Variants in PHF20 observed in about 807,000 individuals in gnomAD.
The protein encoded by PHF20 is glioma-expressed antigen 2.
A neutral mutation model predicts 113.5 loss-of-function variants in PHF20; 23 were observed. That is an observed-to-expected ratio of 0.20 (90% CI 0.15 to 0.29). PHF20 has a LOEUF of 0.29. Ranked by LOEUF, PHF20 falls within the 10% of genes least tolerant of loss-of-function variation. The probability of loss-of-function intolerance (pLI) is 1.00; values close to 1 mark genes in which losing one functional copy is unlikely to be tolerated. For synonymous variants in PHF20, 434 were observed against 457.3 expected (o/e 0.95, Z 0.65); for missense variants, 943 against 1,219.6 (o/e 0.77, Z 3.38).
At chr20:35,858,251 C>G in intron 4 of PHF20, 51 bp from the exon 5 acceptor site, 1 of 956,540 alleles carries the variant, frequency 1.0e-6, no homozygotes, top group South Asian at 1.4e-5. Context: ...GAAAAGTTAC[C>G]ACTTTTCATG....
chr20:35,926,121 C>CAAAA (rs527440244), intron 13 of PHF20, among the ~76,000 whole-genome samples: 2 of 72,330 alleles, frequency 2.8e-5, no homozygotes, highest in African/African-American at 4.6e-5. Flanking sequence ...GACTCCATCT[C>CAAAA]AAAAAAAAAA....
chr20:35,862,912 G>A, intron 5 of PHF20, 101 bp from the exon 6 acceptor site: 1 of 1,217,976 alleles, frequency 8.2e-7, no homozygotes, highest in Non-Finnish European at 1.2e-6. Flanking sequence ...CGTATGTCTT[G>A]TTTTAATTTC....
At chr20:35,919,249 T>A (rs991001575) in intron 13 of PHF20, among the ~76,000 whole-genome samples, 1 of 152,054 alleles carries the variant, frequency 6.6e-6, no homozygotes, top group African/African-American at 2.4e-5. Flanking sequence ...ACTCCCGACC[T>A]CAGGTGATCC....
intron 9 of PHF20, among the ~76,000 whole-genome samples, chr20:35,898,692 C>G (rs946715136): frequency 6.6e-5 from 10 of 152,104 alleles, no homozygotes; most frequent in Admixed American, 2.6e-4. Flanking sequence ...CTTACTGCAA[C>G]CTCCGCCTCC....
intron 13 of PHF20, among the ~76,000 whole-genome samples, chr20:35,926,643 A>G (rs1292608810): frequency 1.3e-5 from 2 of 152,166 alleles, no homozygotes; most frequent in Admixed American, 1.3e-4. Context: ...TGTAAATTGA[A>G]GAATCTAAAA....
intron 6 of PHF20, 31 bp from the exon 7 acceptor site, chr20:35,869,407 C>CT (rs753234140): frequency 8.8e-6 from 10 of 1,140,336 alleles, no homozygotes; most frequent in East Asian, 2.4e-5. Flanking sequence ...AATTATGTAT[C>CT]TTTTTTTGTG....
chr20:35,856,818 G>A (rs1011173062), intron 4 of PHF20, among the ~76,000 whole-genome samples: 3 of 152,212 alleles, frequency 2.0e-5, no homozygotes, highest in African/African-American at 4.8e-5. Context: ...TAGAAGTGTC[G>A]CTGGCAGTTT....
chr20:35,863,349 T>C lies in PHF20; in HGVS notation c.757T>C (p.Leu253=), dbSNP rs780327307. Residue 253 remains leucine (L), a synonymous_variant, in exon 6 of 18, where the codon TTG becomes CTG. Coordinates refer to ENST00000374012, the MANE Select transcript of PHF20 (RefSeq NM_016436.5). The part of the protein sequence containing the change: ...NDIVKSPQEN[L]REPKRKRGRP... ...CATTGTGAAGAGTCCACAAGAAAACTTGAGGGAACCCAAAAGAAAACGAGG... is the reference window on the plus strand; with the variant it reads ...CATTGTGAAGAGTCCACAAGAAAACCTGAGGGAACCCAAAAGAAAACGAGG... The C allele has an allele frequency of 1.8e-5, 29 of 1,609,464 alleles. No individual in the cohort carries two copies. Among genetic ancestry groups the C allele is most frequent in the Non-Finnish European group, 2.4e-5 (28 of 1,179,002 alleles).
intron 2 of PHF20, among the ~76,000 whole-genome samples, chr20:35,806,435 A>C (rs1309559617): frequency 6.6e-6 from 1 of 152,122 alleles, no homozygotes; most frequent in Admixed American, 6.6e-5. Flanking sequence ...TGCTGGGATT[A>C]CAAGCGTGAG....
intron 10 of PHF20, among the ~76,000 whole-genome samples, chr20:35,907,273 C>T (rs889657375): frequency 6.6e-6 from 1 of 152,164 alleles, no homozygotes; most frequent in African/African-American, 2.4e-5. Context: ...AGCAAGAGGG[C>T]CTCTGGTATT....
At chr20:35,923,427 C>T (rs908960556) in intron 13 of PHF20, among the ~76,000 whole-genome samples, 2 of 151,904 alleles carry the variant, frequency 1.3e-5, no homozygotes, top group African/African-American at 4.8e-5. Context: ...ATAGAGAGAC[C>T]CCGTTTCTAC....
At chr20:35,852,029 G>A (rs547329664) in intron 4 of PHF20, among the ~76,000 whole-genome samples, 4 of 151,992 alleles carry the variant, frequency 2.6e-5, no homozygotes, top group Non-Finnish European at 5.9e-5. Context: ...ATATCTTATC[G>A]TATTTAGTCT....
intron 2 of PHF20, among the ~76,000 whole-genome samples, chr20:35,833,682 G>A (rs2042390807): frequency 6.6e-6 from 1 of 152,080 alleles, no homozygotes; most frequent in African/African-American, 2.4e-5. Context: ...AGTCTTCTCT[G>A]AACCCTTTCC....
intron 2 of PHF20, among the ~76,000 whole-genome samples, chr20:35,816,562 G>GAA (rs2042077996): frequency 6.6e-6 from 1 of 150,830 alleles, no homozygotes; most frequent in Non-Finnish European, 1.5e-5. Context: ...CGATTCTCCA[G>GAA]CCTCAGCCTC....
intron 3 of PHF20, among the ~76,000 whole-genome samples, chr20:35,844,373 A>G (rs1236335656): frequency 2.0e-5 from 3 of 147,424 alleles, no homozygotes; most frequent in Admixed American, 6.8e-5. Flanking sequence ...AAGTCCTGGC[A>G]TTACAGGTGT....
chr20:35,918,087 T>C (rs1165095700), intron 13 of PHF20, among the ~76,000 whole-genome samples: 1 of 152,224 alleles, frequency 6.6e-6, no homozygotes, highest in Non-Finnish European at 1.5e-5. Flanking sequence ...CTTCTATGTT[T>C]CTTTTTCTTT....
In PHF20 at chr20:35,785,895, G is replaced by A. The variant is rs530374346; in HGVS notation, c.-33+13816G>A. Among the ~76,000 whole-genome samples, 4 of 151,310 alleles carry A rather than the reference G, an allele frequency of 2.6e-5. No homozygotes were observed. The East Asian group carries it at 7.9e-4, about 30-fold the overall frequency. On this transcript the variant is annotated intron_variant, in intron 1 of 17. Transcript: ENST00000374012. ...AAAATACAAAAAATTAGCTGGGCAT[G>A]GTTGCAGGTGCCTGTCATCTCAGCT...
intron 2 of PHF20, among the ~76,000 whole-genome samples, chr20:35,810,260 G>T (rs1339147936): frequency 6.6e-6 from 1 of 152,104 alleles, no homozygotes; most frequent in Admixed American, 6.6e-5. Flanking sequence ...TGAAAGCCAA[G>T]CTACAAGTCC....
At chr20:35,788,130 TCTGTTGC>T (rs1291319519) in intron 1 of PHF20, among the ~76,000 whole-genome samples, 1 of 152,038 alleles carries the variant, frequency 6.6e-6, no homozygotes, top group South Asian at 2.1e-4. Context: ...GGAGTCTTGC[TCTGTTGC>T]CCAGGCTGGA....
Sources: gnomAD v4.1 joint callset for allele counts (sites outside exome capture counted in the v4.1 genomes callset) on GRCh38, gnomAD v4.1.1 for gene constraint, MANE v1.5 for transcripts, NCBI Gene and HGNC (gene_info 2026-07-23, HGNC 2026-07-21) for gene names.